PHACTR2: variants seen among roughly 807,000 people sequenced by gnomAD.
The protein encoded by PHACTR2 is chromosome 6 open reading frame 56.
Under a neutral mutation model 76.0 loss-of-function variants are expected in PHACTR2, and 30 were observed. The observed-to-expected ratio is 0.39, with a 90% confidence interval of 0.30 to 0.54. The LOEUF is 0.54. Among genes scored for constraint, PHACTR2 ranks in the 20% least tolerant of loss-of-function variants. PHACTR2 has a pLI of 0.61. For synonymous variants in PHACTR2, 292 were observed against 292.5 expected, an observed-to-expected ratio of 1.00 and a Z score of 0.02; for missense variants, 696 against 781.1, an observed-to-expected ratio of 0.89 and a Z score of 1.30.
Position 143,549,229 on chromosome 6 carries a change from A to G in PHACTR2, c.217+12022A>G, listed in dbSNP as rs1212774942. 2.0e-5 allele frequency among the ~76,000 whole-genome samples: 3 copies of G among 152,048 alleles called. No homozygotes were observed. Among genetic ancestry groups the G allele is most frequent in the Admixed American group, 2.0e-4 (3 of 15,260 alleles). On this transcript the variant is annotated intron_variant, in intron 1 of 11. Coordinates refer to the PHACTR2 transcript ENST00000367584. The surrounding 1 kb of genome is among the most constrained non-coding windows in gnomAD (Gnocchi z 4.2). ...CAGGAAGATTAATAGTGGGCCTCAC[A>G]TGGCAGATCAGGCCTAGGTCTCTTC... is the stretch of plus-strand genomic sequence containing the variant.
intron 1 of PHACTR2, among the ~76,000 whole-genome samples, chr6:143,582,269 A>G (rs1775584657): frequency 6.6e-6 from 1 of 152,200 alleles, no homozygotes; most frequent in South Asian, 2.1e-4. Context: ...TGCTCAACTA[A>G]ACATGAGTTC....
At chr6:143,636,254 C>T (rs980731096) in intron 1 of PHACTR2, among the ~76,000 whole-genome samples, 1 of 151,490 alleles carries the variant, frequency 6.6e-6, no homozygotes, top group Non-Finnish European at 1.5e-5. Flanking sequence ...CCTCTGCTGC[C>T]TTTATGGTTT....
In PHACTR2 at chr6:143,712,285, A is replaced by T. The variant is rs953536440; in HGVS notation, c.214+102A>T. On this transcript the variant is annotated intron_variant, in intron 2 of 12. Coordinates refer to ENST00000440869, the MANE Select transcript of PHACTR2 (RefSeq NM_001100164.2). ...TGTGTTTTTTCCCAGAAAAAAATTA[A>T]TCCGTATTTGAAATGAAATTCTTTA... is the stretch of plus-strand genomic sequence containing the variant. 4.4e-6 allele frequency: 3 copies of T among 687,220 alleles called. No individual in the cohort carries two copies. The Admixed American group carries it at 1.1e-4, about 25-fold the overall frequency. 42.6% of individuals were successfully genotyped at this position (687,220 alleles called of 1,614,324 possible).
In PHACTR2 at chr6:143,828,858, G is replaced by A. The variant is rs1776599955; in HGVS notation, c.*5169G>A. ...CATTCTCAGTCATTGTAAACACCAA[G>A]AATAAAAAGCATTCCCCCAGGTTCA... On this transcript the variant is annotated 3_prime_UTR_variant, in exon 13 of 13. Coordinates refer to ENST00000440869, the MANE Select transcript of PHACTR2 (RefSeq NM_001100164.2). The surrounding 1 kb of genome is among the most constrained non-coding windows in gnomAD (Gnocchi z 4.7). 6.6e-6 allele frequency: 1 copy of A among 152,150 alleles called. No homozygotes were observed. Among genetic ancestry groups the A allele is most frequent in the Non-Finnish European group, 1.5e-5 (1 of 68,044 alleles). 9.4% of individuals were successfully genotyped at this position (152,150 alleles called of 1,614,324 possible).
At chr6:143,726,299 T>G (rs1159219480) in intron 2 of PHACTR2, among the ~76,000 whole-genome samples, 1 of 152,232 alleles carries the variant, frequency 6.6e-6, no homozygotes, top group East Asian at 1.9e-4. Context: ...ACATTTGTCA[T>G]AAAATTCACT....
In PHACTR2 at chr6:143,663,753, T is replaced by C. The variant is rs1776983622; in HGVS notation, c.14-48263T>C. Among the ~76,000 whole-genome samples, 1 of 152,140 alleles carries C rather than the reference T, an allele frequency of 6.6e-6. No individual in the cohort carries two copies. Among genetic ancestry groups the C allele is most frequent in the African/African-American group, 2.4e-5 (1 of 41,456 alleles). ...TTTATTTCTGTTTTTAACTAGGTTTTCTTGTTGATTTTTAATTTAATTACA... is the reference window on the plus strand; with the variant it reads ...TTTATTTCTGTTTTTAACTAGGTTTCCTTGTTGATTTTTAATTTAATTACA... On this transcript the variant is annotated intron_variant, in intron 1 of 11. Coordinates refer to the PHACTR2 transcript ENST00000305766. The surrounding 1 kb of genome is among the most constrained non-coding windows in gnomAD (Gnocchi z 4.1).
Position 143,596,858 on chromosome 6 carries a change from T to G in PHACTR2, c.217+59651T>G, listed in dbSNP as rs1320577657. On this transcript the variant is annotated intron_variant, in intron 1 of 11. Coordinates refer to the PHACTR2 transcript ENST00000367584. The surrounding 1 kb of genome is among the most constrained non-coding windows in gnomAD (Gnocchi z 4.6). Reference sequence around the variant, plus strand: ...ATCTCAAAAAAAATAAAAATAAAAATAAAAAGAATCATGGCGTCCAACTCT... The same window carrying G: ...ATCTCAAAAAAAATAAAAATAAAAAGAAAAAGAATCATGGCGTCCAACTCT... Among the ~76,000 whole-genome samples the G allele has an allele frequency of 1.3e-5, 2 of 151,846 alleles. No individual in the cohort carries two copies. The highest frequency in any genetic ancestry group is 2.9e-5 in the Non-Finnish European group (2 of 67,960).
chr6:143,811,720 A>G lies in PHACTR2; in HGVS notation c.1922+4587A>G, dbSNP rs1190688737. On this transcript the variant is annotated intron_variant, in intron 12 of 12. Transcript: ENST00000440869. The surrounding 1 kb of genome is among the most constrained non-coding windows in gnomAD (Gnocchi z 4.1). ...GACATCATTCGAGATATATTCCAGTAGGGATATAGTTTGTCTCCAAGACAT... is the reference window on the plus strand; with the variant it reads ...GACATCATTCGAGATATATTCCAGTGGGGATATAGTTTGTCTCCAAGACAT... Among the ~76,000 whole-genome samples the G allele has an allele frequency of 6.6e-6, 1 of 152,168 alleles. No individual in the cohort carries two copies. Among genetic ancestry groups the G allele is most frequent in the Non-Finnish European group, 1.5e-5 (1 of 68,016 alleles).
At chr6:143,685,639 G>A (rs10046128) in intron 1 of PHACTR2, among the ~76,000 whole-genome samples, 10,135 of 119,096 alleles carry the variant, frequency 0.085, 636 homozygotes, top group African/African-American at 0.21. Flanking sequence ...GACCAAAGAA[G>A]AACATAAGTG....
At chr6:143,577,189 G>A (rs1305185495) in intron 1 of PHACTR2, among the ~76,000 whole-genome samples, 1 of 152,170 alleles carries the variant, frequency 6.6e-6, no homozygotes, top group Non-Finnish European at 1.5e-5. Context: ...CTGGTAGAGG[G>A]AAGATTCAGT....
intron 2 of PHACTR2, among the ~76,000 whole-genome samples, chr6:143,728,696 A>G (rs1302981162): frequency 2.6e-5 from 4 of 152,184 alleles, no homozygotes; most frequent in Admixed American, 2.6e-4. Flanking sequence ...TTTACAGCCA[A>G]CTGATTTTTG....
intron 10 of PHACTR2, among the ~76,000 whole-genome samples, chr6:143,785,770 G>C (rs1046020812): frequency 1.6e-4 from 24 of 152,316 alleles, no homozygotes; most frequent in Admixed American, 1.4e-3. Context: ...CCAAGGCTTG[G>C]GGCTTCCACG....
Position 143,730,838 on chromosome 6 carries a change from C to A in PHACTR2, c.215-18147C>A, listed in dbSNP as rs1401147634. Among the ~76,000 whole-genome samples, 1 of 152,178 alleles carries A rather than the reference C, an allele frequency of 6.6e-6. No homozygotes were observed. Among genetic ancestry groups the A allele is most frequent in the Non-Finnish European group, 1.5e-5 (1 of 68,018 alleles). ...TCTCGGCTCACTGTAACCTCCGCCT[C>A]TTGGGTTCAAGCGATTCTCCTGCTT... On this transcript the variant is annotated intron_variant, in intron 2 of 12. Coordinates refer to ENST00000440869, the MANE Select transcript of PHACTR2 (RefSeq NM_001100164.2). This position sits in a 1 kb window ranked among gnomAD's most constrained non-coding sequence, Gnocchi z 4.8.
At chr6:143,645,561 G>A (rs1304526807) in intron 1 of PHACTR2, among the ~76,000 whole-genome samples, 1 of 152,138 alleles carries the variant, frequency 6.6e-6, no homozygotes, top group African/African-American at 2.4e-5. Flanking sequence ...GTTGTGTGGC[G>A]CTAAAGTGTT....
In PHACTR2 at chr6:143,578,025, G is replaced by A. The variant is rs72999512; in HGVS notation, c.217+40818G>A. 0.14 allele frequency among the ~76,000 whole-genome samples: 20,563 copies of A among 152,122 alleles called. 1,410 individuals are homozygous for A. Among genetic ancestry groups the A allele is most frequent in the East Asian group, 0.17 (900 of 5,176 alleles). Reference sequence around the variant, plus strand: ...GTCCAAGACACTCTATCCCCCGTTCGTTTGCCAACACCTGTGAGAATTCCA... The same window carrying A: ...GTCCAAGACACTCTATCCCCCGTTCATTTGCCAACACCTGTGAGAATTCCA... On this transcript the variant is annotated intron_variant, in intron 1 of 11. Coordinates refer to the PHACTR2 transcript ENST00000367584. This position sits in a 1 kb window ranked among gnomAD's most constrained non-coding sequence, Gnocchi z 4.5.
At position 143,771,231 on chromosome 6, in the gene PHACTR2, T is replaced by C. The variant is rs867270470; in HGVS notation, c.1233-1027T>C. ...ATATATATATATATATATATATATATATATGCTTTTTTTTATTTTTTTGAG... is the reference window on the plus strand; with the variant it reads ...ATATATATATATATATATATATATACATATGCTTTTTTTTATTTTTTTGAG... On this transcript the variant is annotated intron_variant, in intron 6 of 12. Coordinates refer to ENST00000440869, the MANE Select transcript of PHACTR2 (RefSeq NM_001100164.2). 3.4e-3 allele frequency among the ~76,000 whole-genome samples: 375 copies of C among 109,072 alleles called. 10 individuals are homozygous for C. Among genetic ancestry groups the C allele is most frequent in the African/African-American group, 0.013 (357 of 27,390 alleles). The allele number at this position is 109,072 out of a possible 152,430, so 71.6% of individuals were successfully genotyped here.
intron 1 of PHACTR2, among the ~76,000 whole-genome samples, chr6:143,703,218 G>A (rs1322517733): frequency 6.6e-6 from 1 of 150,444 alleles, no homozygotes; most frequent in African/African-American, 2.4e-5. Context: ...AGTCAAAATA[G>A]TGGTTATCTG....
At chr6:143,544,951 T>G (rs1477811699) in intron 1 of PHACTR2, among the ~76,000 whole-genome samples, 1 of 152,052 alleles carries the variant, frequency 6.6e-6, no homozygotes, top group Non-Finnish European at 1.5e-5. Context: ...TTTTTGTTTT[T>G]TTTTTTTCTT....
intron 2 of PHACTR2, among the ~76,000 whole-genome samples, chr6:143,723,217 TATGTC>T (rs1446894090): frequency 1.9e-4 from 29 of 152,326 alleles, no homozygotes; most frequent in Non-Finnish European, 4.1e-4. Flanking sequence ...ACTCTTTTCA[TATGTC>T]ATGATCTCTA....
Sources: gnomAD v4.1 joint callset for allele counts (sites outside exome capture counted in the v4.1 genomes callset) on GRCh38, gnomAD v4.1.1 for gene constraint, Gnocchi (gnomAD v3.1) non-coding constraint, MANE v1.5 for transcripts, NCBI Gene and HGNC (gene_info 2026-07-23, HGNC 2026-07-21) for gene names.